QTMAN: variants seen among roughly 807,000 people sequenced by gnomAD.
QTMAN encodes tRNA-queuosine alpha-mannosyltransferase.
chr2:144,301,262 A>T, the QTMAN span, among the ~76,000 whole-genome samples: 1 of 152,116 alleles, frequency 6.6e-6, no homozygotes, highest in Non-Finnish European at 1.5e-5. Context: ...TCGCTCTGTT[A>T]CCCAGGCTGG....
At chr2:144,120,545 C>T in the QTMAN span, among the ~76,000 whole-genome samples, 2 of 152,274 alleles carry the variant, frequency 1.3e-5, no homozygotes, top group South Asian at 4.1e-4. Flanking sequence ...TTAAGAATAT[C>T]TTTATGGATA....
the QTMAN span, among the ~76,000 whole-genome samples, chr2:143,953,290 T>A: frequency 6.6e-6 from 1 of 151,832 alleles, no homozygotes; most frequent in South Asian, 2.1e-4. Context: ...TTGAGGAACT[T>A]TTAAAAGCAT....
chr2:144,194,911 A>G, the QTMAN span, among the ~76,000 whole-genome samples: 1 of 152,164 alleles, frequency 6.6e-6, no homozygotes, highest in African/African-American at 2.4e-5. Context: ...CTACCCCTCC[A>G]CATTTTAAAA....
chr2:144,286,383 T>C, the QTMAN span, among the ~76,000 whole-genome samples: 4,111 of 152,332 alleles, frequency 0.027, 72 homozygotes, highest in Non-Finnish European at 0.038. Flanking sequence ...TTAGTGGTTA[T>C]TTCCAGTAAA....
the QTMAN span, among the ~76,000 whole-genome samples, chr2:144,256,721 G>C: frequency 2.0e-5 from 3 of 151,976 alleles, no homozygotes; most frequent in Non-Finnish European, 1.5e-5. Context: ...GAAAGGGGAG[G>C]AAAAGGGAGG....
chr2:143,972,298 A>G, the QTMAN span, among the ~76,000 whole-genome samples: 1 of 152,156 alleles, frequency 6.6e-6, no homozygotes, highest in Non-Finnish European at 1.5e-5. Flanking sequence ...CTTAGATGAA[A>G]AGATTGGAAA....
the QTMAN span, among the ~76,000 whole-genome samples, chr2:144,133,116 AATATATATATATATATATATAT>A: frequency 0.25 from 10,200 of 41,374 alleles, 1,057 homozygotes; most frequent in South Asian, 0.31. Context: ...AATGACTGGT[AATATATATATATATATATATAT>A]ATATATATAT....
At chr2:143,979,769 A>G in the QTMAN span, among the ~76,000 whole-genome samples, 1 of 152,060 alleles carries the variant, frequency 6.6e-6, no homozygotes, top group African/African-American at 2.4e-5. Flanking sequence ...GTTTTTATAT[A>G]AAGTAATTAT....
At chr2:144,006,075 T>C in the QTMAN span, 1 of 152,118 alleles carries the variant, frequency 6.6e-6, no homozygotes, top group South Asian at 2.1e-4. Flanking sequence ...CATTAAATAA[T>C]ATTGAACTCT....
At chr2:144,225,201 G>A in the QTMAN span, among the ~76,000 whole-genome samples, 3 of 152,210 alleles carry the variant, frequency 2.0e-5, no homozygotes, top group African/African-American at 7.2e-5. Flanking sequence ...CTGGGAGCCA[G>A]TACACTGCTG....
At chr2:144,173,778 T>G in the QTMAN span, among the ~76,000 whole-genome samples, 81 of 152,168 alleles carry the variant, frequency 5.3e-4, 1 homozygote, top group Non-Finnish European at 5.9e-5. Flanking sequence ...GTGTTTGGAT[T>G]GTGTGGCAAA....
At chr2:144,263,630 A>C in the QTMAN span, among the ~76,000 whole-genome samples, 6 of 152,318 alleles carry the variant, frequency 3.9e-5, no homozygotes, top group East Asian at 1.2e-3. Flanking sequence ...AGGCTGAGGC[A>C]GGAGAATTGT....
chr2:144,134,216 CA>C, the QTMAN span, among the ~76,000 whole-genome samples: 1 of 152,096 alleles, frequency 6.6e-6, no homozygotes, highest in South Asian at 2.1e-4. Context: ...AAGAATTCTT[CA>C]AAAAGCCCTT....
the QTMAN span, among the ~76,000 whole-genome samples, chr2:144,232,631 T>C: frequency 6.6e-6 from 1 of 152,206 alleles, no homozygotes; most frequent in Non-Finnish European, 1.5e-5. Flanking sequence ...TATAAAAACA[T>C]ATTCTGACTA....
chr2:144,161,669 A>G, the QTMAN span, among the ~76,000 whole-genome samples: 1 of 152,320 alleles, frequency 6.6e-6, no homozygotes, highest in East Asian at 1.9e-4. Context: ...ATGGAGAGTA[A>G]AAACAGTAAT....
At chr2:144,204,478 A>G in the QTMAN span, among the ~76,000 whole-genome samples, 1 of 152,212 alleles carries the variant, frequency 6.6e-6, no homozygotes, top group South Asian at 2.1e-4. Flanking sequence ...ATGATCATTA[A>G]AAAGTCAGAA....
the QTMAN span, among the ~76,000 whole-genome samples, chr2:143,963,426 G>C: frequency 1.3e-5 from 2 of 151,408 alleles, no homozygotes; most frequent in East Asian, 3.9e-4. Context: ...TCATAAGTTT[G>C]TGGGCTCTTA....
At chr2:144,065,813 T>C in the QTMAN span, among the ~76,000 whole-genome samples, 1 of 150,848 alleles carries the variant, frequency 6.6e-6, no homozygotes, top group South Asian at 2.1e-4. Flanking sequence ...AATACTAGTG[T>C]GTAGTGTGAA....
chr2:144,136,329 A>C, the QTMAN span, among the ~76,000 whole-genome samples: 341 of 138,058 alleles, frequency 2.5e-3, 2 homozygotes, highest in African/African-American at 8.2e-3. Context: ...CTGTCAAAAG[A>C]GGGGAGGGGA....
Sources: allele counts gnomAD v4.1 joint callset (sites outside exome capture counted in the v4.1 genomes callset), GRCh38; gene constraint gnomAD v4.1.1; transcripts MANE v1.5; gene names NCBI Gene and HGNC (gene_info 2026-07-23, HGNC 2026-07-21).